Variants in MICAL3 observed in about 807,000 individuals in gnomAD.
MICAL3 encodes [F-actin]-monooxygenase MICAL3.
A neutral mutation model predicts 207.4 loss-of-function variants in MICAL3; 62 were observed. The observed-to-expected ratio is 0.30, with a 90% CI of 0.24 to 0.37. The LOEUF (loss-of-function observed/expected upper bound fraction) is 0.37, where lower values mean the gene tolerates loss of function less well. Among genes scored for constraint, MICAL3 ranks in the 10% least tolerant of loss-of-function variants. The pLI is 1.00. For synonymous variants in MICAL3, 1,077 were observed against 1,069.3 expected, an observed-to-expected ratio of 1.01 and a Z score of -0.14; for missense variants, 2,368 against 2,635.6, an observed-to-expected ratio of 0.90 and a Z score of 2.22.
intron 29 of MICAL3, among the ~76,000 whole-genome samples, chr22:17,805,880 C>A (rs1286152883): frequency 6.6e-6 from 1 of 152,222 alleles, no homozygotes; most frequent in East Asian, 1.9e-4. Context: ...AGGCATGTAC[C>A]ACCATGCCAG....
rs1363026683 is a variant in MICAL3, at chr22:17,877,400, GGTTAGGGAA to G, written c.2242-5386_2242-5378del. 4.6e-5 allele frequency among the ~76,000 whole-genome samples: 5 copies of G among 109,610 alleles called. 1 individual carries two copies. Among genetic ancestry groups the G allele is most frequent in the Non-Finnish European group, 8.9e-5 (5 of 56,148 alleles). The allele number at this position is 109,610 out of a possible 152,430, so 71.9% of individuals were successfully genotyped here. A position where few individuals can be genotyped will look rare whatever the true frequency, so the allele number is the denominator to read the frequency against. ...TGAGGGAGGTTATGGAGGTTAGGGAGGTTAGGGAAGTTATGGAGGTTAGGGAGATTATGG... is the reference window on the plus strand; with the variant it reads ...TGAGGGAGGTTATGGAGGTTAGGGAGGTTATGGAGGTTAGGGAGATTATGG... On this transcript the variant is annotated intron_variant, in intron 16 of 31. Transcript: ENST00000441493.
chr22:17,811,710 C>G (rs2062049870), intron 27 of MICAL3, among the ~76,000 whole-genome samples: 1 of 152,178 alleles, frequency 6.6e-6, no homozygotes, highest in African/African-American at 2.4e-5. Flanking sequence ...TCATAAGACC[C>G]TCTTTATTGC....
chr22:17,888,269 T>C (rs1930101507), intron 13 of MICAL3, among the ~76,000 whole-genome samples: 1 of 152,154 alleles, frequency 6.6e-6, no homozygotes, highest in Non-Finnish European at 1.5e-5. Flanking sequence ...CCTGGGATAC[T>C]GTAAATCCAG....
chr22:17,893,088 C>G lies in MICAL3; in HGVS notation c.1546+720G>C, dbSNP rs990435160. Among the ~76,000 whole-genome samples, 12 of 152,210 alleles carry G rather than the reference C, an allele frequency of 7.9e-5. No homozygotes were observed. In the East Asian group the frequency reaches 2.3e-3, roughly 29 times the overall value. On this transcript the variant is annotated intron_variant, in intron 11 of 31. Coordinates refer to ENST00000441493, the MANE Select transcript of MICAL3 (RefSeq NM_015241.3). ...GAGCTATTCAATCACCTCTTCGAGG[C>G]CGCACAATTCACCAGCAGCAAAGCT... is the stretch of plus-strand genomic sequence containing the variant.
At chr22:17,999,647 C>T (rs1177914897) in intron 1 of MICAL3, among the ~76,000 whole-genome samples, 1 of 152,220 alleles carries the variant, frequency 6.6e-6, no homozygotes, top group Non-Finnish European at 1.5e-5. Flanking sequence ...GGAACAGGAT[C>T]ATCCCAGGTG....
chr22:17,957,253 G>C (rs1440520343), intron 1 of MICAL3, among the ~76,000 whole-genome samples: 4 of 152,202 alleles, frequency 2.6e-5, no homozygotes, highest in African/African-American at 9.7e-5. Context: ...AGTCCAGGTA[G>C]AAGGAACGAG....
intron 16 of MICAL3, among the ~76,000 whole-genome samples, chr22:17,880,135 G>A (rs151082142): frequency 1.3e-5 from 2 of 152,180 alleles, no homozygotes; most frequent in Non-Finnish European, 2.9e-5. Flanking sequence ...TCTAGCACCC[G>A]TGAGCATAAT....
At position 17,902,465 on chromosome 22, in the gene MICAL3, T is replaced by A. The variant is rs923850470; in HGVS notation, c.589+166A>T. Among the ~76,000 whole-genome samples the A allele has an allele frequency of 6.6e-6, 1 of 152,164 alleles. No individual in the cohort carries two copies. Among genetic ancestry groups the A allele is most frequent in the Non-Finnish European group, 1.5e-5 (1 of 68,028 alleles). ...CTCACGGGGCCCTTCCCACCACATG[T>A]GCGCCTGCGACATCTAAGGCTGCAT... is the stretch of plus-strand genomic sequence containing the variant. On this transcript the variant is annotated intron_variant, in intron 4 of 31. Coordinates refer to ENST00000441493, the MANE Select transcript of MICAL3 (RefSeq NM_015241.3). The surrounding 1 kb of genome is among the most constrained non-coding windows in gnomAD (Gnocchi z 4.5).
chr22:17,859,744 C>G (rs1926313402), intron 19 of MICAL3, among the ~76,000 whole-genome samples: 1 of 152,220 alleles, frequency 6.6e-6, no homozygotes, highest in African/African-American at 2.4e-5. Flanking sequence ...AGCTCCCTGC[C>G]ACAGTTGGAG....
At chr22:17,928,073 G>A (rs929371687) in intron 1 of MICAL3, among the ~76,000 whole-genome samples, 1 of 152,172 alleles carries the variant, frequency 6.6e-6, no homozygotes, top group African/African-American at 2.4e-5. Context: ...TTTACTATAT[G>A]CAGCATAGCG....
intron 16 of MICAL3, among the ~76,000 whole-genome samples, chr22:17,873,935 C>G (rs1403646606): frequency 5.9e-5 from 9 of 152,244 alleles, no homozygotes; most frequent in Non-Finnish European, 1.5e-5. Flanking sequence ...CTGGGGGAAC[C>G]TGACCCTAAT....
intron 27 of MICAL3, among the ~76,000 whole-genome samples, chr22:17,811,843 C>CAGCTTCAA (rs2062051661): frequency 2.6e-5 from 4 of 152,206 alleles, no homozygotes; most frequent in Non-Finnish European, 5.9e-5. Context: ...CTCCTGGACT[C>CAGCTTCAA]ACGTGATCCT....
intron 29 of MICAL3, among the ~76,000 whole-genome samples, chr22:17,802,061 A>ACTT (rs1555921936): frequency 2.9e-4 from 41 of 143,658 alleles, no homozygotes; most frequent in Admixed American, 9.1e-4. Flanking sequence ...AATGTAAACA[A>ACTT]TTTTTTTTTT....
Position 17,790,866 on chromosome 22 carries a change from C to T in MICAL3, c.5875G>A (p.Glu1959Lys). 6.2e-7 allele frequency: 1 copy of T among 1,613,904 alleles called. No individual in the cohort carries two copies. The highest frequency in any genetic ancestry group is 8.5e-7 in the Non-Finnish European group (1 of 1,179,902). The stretch of plus-strand genomic sequence containing the variant: ...CTCTGCTCCACCACCTCCAGCATCT[C>T]ATTGAGAATCTGCTTCTCTTCTGAC... Reference protein sequence around the residue: ...ELSEEKQILNEMLEVVEQRDS... With the variant: ...ELSEEKQILNKMLEVVEQRDS... Residue 1959 changes from glutamate (E) to lysine (K), a missense_variant, in exon 32 of 32, where the codon GAG (glutamate) becomes AAG (lysine). By Grantham distance (56) the Glu-to-Lys change is moderately conservative (BLOSUM62 1). This residue lies in a region of MICAL3 where 1,770 missense variants were observed against 1,863.2 expected (regional missense o/e 0.95). Transcript: ENST00000441493.
intron 29 of MICAL3, among the ~76,000 whole-genome samples, chr22:17,792,172 A>T (rs141745351): frequency 3.9e-4 from 60 of 152,332 alleles, no homozygotes; most frequent in African/African-American, 1.4e-3. Context: ...ACGAGAGAAC[A>T]AGGTCCTTTT....
intron 16 of MICAL3, chr22:17,879,355 G>A: frequency 1.2e-6 from 2 of 1,611,488 alleles, no homozygotes; most frequent in Non-Finnish European, 8.5e-7. Flanking sequence ...CCCTCTCATG[G>A]TGGGGGCTCT....
At chr22:17,861,853 C>G in intron 19 of MICAL3, 1 of 985,424 alleles carries the variant, frequency 1.0e-6, no homozygotes, top group South Asian at 4.7e-5. Context: ...GATTTGGTTA[C>G]CAGAGAAAGA....
chr22:17,885,243 AAAG>A (rs1419673157), intron 16 of MICAL3, among the ~76,000 whole-genome samples: 1 of 152,246 alleles, frequency 6.6e-6, no homozygotes, highest in East Asian at 1.9e-4. Context: ...GCAACACACA[AAAG>A]AAGCTTTATC....
rs74898408 is a variant in MICAL3 at position 17,944,924 on chromosome 22, C to T, written c.-74-38038G>A. Among the ~76,000 whole-genome samples the T allele has an allele frequency of 8.2e-3, 1,253 of 151,984 alleles. 16 individuals are homozygous for T. The highest frequency in any genetic ancestry group is 0.028 in the African/African-American group (1,166 of 41,418). ...CTTCCAGGAACATCACTGCACACCT[C>T]TGAGATCATCAAACTTACTAGAAAT... On this transcript the variant is annotated intron_variant, in intron 1 of 31. Transcript: ENST00000441493.
Sources: gnomAD v4.1 joint callset for allele counts (sites outside exome capture counted in the v4.1 genomes callset) on GRCh38, gnomAD v4.1.1 for gene constraint, gnomAD v4.1.1 regional missense constraint, Gnocchi (gnomAD v3.1) non-coding constraint, MANE v1.5 for transcripts, NCBI Gene and HGNC (gene_info 2026-07-23, HGNC 2026-07-21) for gene names.